Variants in DIAPH2 observed in about 807,000 individuals in gnomAD.
DIAPH2 encodes the protein diaphanous related formin 2.
DIAPH2 carries 35 observed loss-of-function variants against 92.7 expected under a neutral mutation model. That is an observed-to-expected ratio of 0.38 (90% CI 0.29 to 0.50). The LOEUF (loss-of-function observed/expected upper bound fraction) is 0.50. DIAPH2 is among the 20% of genes least tolerant of loss of function. The pLI is 0.94. For synonymous variants in DIAPH2, 301 were observed against 280.4 expected, an observed-to-expected ratio of 1.07 and a Z score of -0.73; for missense variants, 701 against 819.5, an observed-to-expected ratio of 0.86 and a Z score of 1.77.
At chrX:97,185,413 A>ATG (rs2067583195) in intron 22 of DIAPH2, among the ~76,000 whole-genome samples, 4 of 56,063 alleles carry the variant, frequency 7.1e-5, no homozygotes, top group African/African-American at 4.1e-4. Flanking sequence ...ATATATATGT[A>ATG]TATATATATG....
At chrX:97,026,462 T>G (rs189102980) in intron 17 of DIAPH2, among the ~76,000 whole-genome samples, 1 of 112,447 alleles carries the variant, frequency 8.9e-6, no homozygotes, top group Non-Finnish European at 1.9e-5. Context: ...TTGCAGTACA[T>G]CTGAGTTATA....
chrX:97,181,396 GTGTTGT>G, intron 22 of DIAPH2, among the ~76,000 whole-genome samples: 1 of 109,617 alleles, frequency 9.1e-6, no homozygotes, highest in East Asian at 2.9e-4. Context: ...ATGAGTATAT[GTGTTGT>G]TGTTGTTGTT....
intron 17 of DIAPH2, among the ~76,000 whole-genome samples, chrX:97,030,480 A>C (rs759938436): frequency 9.0e-6 from 1 of 111,657 alleles, no homozygotes; most frequent in African/African-American, 3.3e-5. Flanking sequence ...GGATGATACA[A>C]ATATTTTTGA....
chrX:97,336,877 C>T (rs1199947611), intron 23 of DIAPH2, among the ~76,000 whole-genome samples: 1 of 111,484 alleles, frequency 9.0e-6, no homozygotes, highest in African/African-American at 3.3e-5. Flanking sequence ...GAGTGTACTT[C>T]TTATCTCTCT....
chrX:97,441,412 A>G (rs2070256823), intron 26 of DIAPH2, among the ~76,000 whole-genome samples: 1 of 111,296 alleles, frequency 9.0e-6, no homozygotes, highest in Non-Finnish European at 1.9e-5. Flanking sequence ...CACTTAATTT[A>G]GTGTCTTTTT....
chrX:97,372,861 C>T (rs1480466775), intron 24 of DIAPH2, among the ~76,000 whole-genome samples: 5 of 110,682 alleles, frequency 4.5e-5, no homozygotes, highest in Non-Finnish European at 9.4e-5. Context: ...CCTGTAGTCC[C>T]AGCTACTCAG....
intron 26 of DIAPH2, among the ~76,000 whole-genome samples, chrX:97,548,333 C>T (rs1264765389): frequency 8.9e-6 from 1 of 112,025 alleles, no homozygotes; most frequent in Non-Finnish European, 1.9e-5. Flanking sequence ...GGCCATACAG[C>T]CTGCCCCAAA....
chrX:97,123,165 T>C (rs2067069426), intron 21 of DIAPH2, among the ~76,000 whole-genome samples: 1 of 111,868 alleles, frequency 8.9e-6, no homozygotes, highest in Admixed American at 9.5e-5. Context: ...TTGTTCAGCT[T>C]ATGTGATGGT....
chrX:97,591,480 C>T (rs1162670542), intron 26 of DIAPH2, among the ~76,000 whole-genome samples: 3 of 112,064 alleles, frequency 2.7e-5, no homozygotes, highest in Admixed American at 9.5e-5. Flanking sequence ...TGTCAAAATA[C>T]ATTCCCTCTG....
At chrX:97,102,935 G>A (rs146660089) in intron 20 of DIAPH2, among the ~76,000 whole-genome samples, 1,827 of 110,772 alleles carry the variant, frequency 0.016, 34 homozygotes, top group African/African-American at 0.057. Context: ...GCAAGACTCC[G>A]CCTCAAAAAA....
intron 4 of DIAPH2, among the ~76,000 whole-genome samples, chrX:96,836,894 A>AT (rs2064898237): frequency 2.0e-5 from 2 of 98,381 alleles, no homozygotes; most frequent in South Asian, 5.1e-4. Context: ...CGCCCGGCTA[A>AT]TTTTTTGTAT....
chrX:96,826,485 T>G (rs1187162739), intron 4 of DIAPH2, among the ~76,000 whole-genome samples: 1 of 110,676 alleles, frequency 9.0e-6, no homozygotes, highest in East Asian at 2.8e-4. Flanking sequence ...ATAAAGCAAA[T>G]AATAATTACA....
At chrX:96,709,447 A>G (rs1489419657) in intron 1 of DIAPH2, among the ~76,000 whole-genome samples, 3 of 112,107 alleles carry the variant, frequency 2.7e-5, no homozygotes, top group Non-Finnish European at 5.6e-5. Context: ...GAAAAAAATA[A>G]CAAGTCCAAA....
At chrX:97,263,657 G>C (rs904252394) in intron 23 of DIAPH2, among the ~76,000 whole-genome samples, 1 of 109,200 alleles carries the variant, frequency 9.2e-6, no homozygotes, top group Non-Finnish European at 1.9e-5. Flanking sequence ...CACAATCTCA[G>C]CTCACTGCAA....
intron 23 of DIAPH2, among the ~76,000 whole-genome samples, chrX:97,309,397 G>A (rs539741544): frequency 4.5e-5 from 5 of 111,115 alleles, no homozygotes; most frequent in African/African-American, 6.5e-5. Flanking sequence ...CACCGCGCCC[G>A]GCCAATTTTA....
chrX:97,355,347 C>A (rs11797798), intron 24 of DIAPH2, among the ~76,000 whole-genome samples: 1,109 of 108,046 alleles, frequency 0.01, 5 homozygotes, highest in Non-Finnish European at 0.017. Flanking sequence ...GTATATAATC[C>A]CTGATCCAAA....
chrX:97,437,920 A>T (rs2070204961), intron 26 of DIAPH2, among the ~76,000 whole-genome samples: 1 of 109,573 alleles, frequency 9.1e-6, no homozygotes, highest in South Asian at 4.0e-4. Flanking sequence ...ACATTTGGGA[A>T]TTATAATATT....
chrX:97,240,569 G>A (rs2068085550), intron 22 of DIAPH2, among the ~76,000 whole-genome samples: 1 of 104,741 alleles, frequency 9.5e-6, no homozygotes, highest in Non-Finnish European at 1.9e-5. Context: ...TTGTACCACT[G>A]CATTCCAGCC....
At chrX:97,440,557 A>G (rs989246354) in intron 26 of DIAPH2, among the ~76,000 whole-genome samples, 1 of 101,471 alleles carries the variant, frequency 9.9e-6, no homozygotes, top group South Asian at 4.9e-4. Flanking sequence ...GCACCATTGC[A>G]CTCCAGCCTG....
Sources: allele counts gnomAD v4.1 joint callset (sites outside exome capture counted in the v4.1 genomes callset), GRCh38; gene constraint gnomAD v4.1.1; transcripts MANE v1.5; gene names NCBI Gene and HGNC (gene_info 2026-07-23, HGNC 2026-07-21).